KCNB2: variants seen among roughly 807,000 people sequenced by gnomAD.
KCNB2 encodes the protein potassium voltage-gated channel subfamily B member 2, also known as delayed rectifier potassium channel protein.
KCNB2 carries 15 observed loss-of-function variants against 61.5 expected under a neutral mutation model. The observed-to-expected ratio is 0.24, with a 90% CI of 0.16 to 0.38. The LOEUF (loss-of-function observed/expected upper bound fraction) is 0.38, where lower values mean the gene tolerates loss of function less well. KCNB2 is among the 10% of genes least tolerant of loss of function. KCNB2 has a pLI of 1.00. For synonymous variants in KCNB2, 457 were observed against 446.0 expected (o/e 1.02, Z -0.31); for missense variants, 828 against 1,125.2 (o/e 0.74, Z 3.78).
At chr8:72,733,451 G>T (rs1044400078) in intron 2 of KCNB2, among the ~76,000 whole-genome samples, 3 of 152,056 alleles carry the variant, frequency 2.0e-5, no homozygotes, top group African/African-American at 7.2e-5. Flanking sequence ...GAAAGCATGG[G>T]TTCTGCAATC....
chr8:72,705,580 G>A (rs1807208819), intron 2 of KCNB2, among the ~76,000 whole-genome samples: 1 of 152,310 alleles, frequency 6.6e-6, no homozygotes, highest in Middle Eastern at 3.4e-3. Context: ...TGGAAGTGAG[G>A]GAGGTGTTTT....
chr8:72,720,575 T>C (rs951024195), intron 2 of KCNB2, among the ~76,000 whole-genome samples: 1 of 152,222 alleles, frequency 6.6e-6, no homozygotes, highest in Non-Finnish European at 1.5e-5. Flanking sequence ...TGTTTACCTC[T>C]CTTGTCACCT....
rs139663127 is a variant in KCNB2, at chr8:72,837,457, C to T, written c.580-98478C>T. Among the ~76,000 whole-genome samples, 1,162 of 152,256 alleles carry T rather than the reference C, an allele frequency of 7.6e-3. 14 individuals are homozygous for T. Among genetic ancestry groups the T allele is most frequent in the African/African-American group, 0.026 (1,096 of 41,534 alleles). On this transcript the variant is annotated intron_variant, in intron 2 of 2. Transcript: ENST00000523207. ...AAAACGCTCTGATACTTTAAAAGTT[C>T]CTAAATCAGATAGACAGGCACCATC...
intron 2 of KCNB2, among the ~76,000 whole-genome samples, chr8:72,841,372 C>CTTTTTTTTTTTTTTTTTTTTT (rs769263287): frequency 5.8e-5 from 2 of 34,226 alleles, no homozygotes; most frequent in African/African-American, 1.5e-4. Flanking sequence ...TTTTTTTTTT[C>CTTTTTTTTTTTTTTTTTTTTT]TTTTTTTTTT....
At chr8:72,797,066 A>G (rs1809043073) in intron 2 of KCNB2, among the ~76,000 whole-genome samples, 2 of 152,174 alleles carry the variant, frequency 1.3e-5, no homozygotes, top group Non-Finnish European at 2.9e-5. Flanking sequence ...CAGGTCAATA[A>G]CGATGGTACG....
In KCNB2 at chr8:72,669,050, A is replaced by G. The variant is rs914517318; in HGVS notation, c.579+100737A>G. Among the ~76,000 whole-genome samples the G allele has an allele frequency of 2.6e-5, 4 of 152,032 alleles. No homozygotes were observed. In the South Asian group the frequency reaches 8.3e-4, roughly 32 times the overall value. On this transcript the variant is annotated intron_variant, in intron 2 of 2. Coordinates refer to ENST00000523207, the MANE Select transcript of KCNB2 (RefSeq NM_004770.3). ...GGATTTTCTGTCTGCTATATCTGTA[A>G]CCTCTTGGGTTAATTAGACTGACCT... is the stretch of plus-strand genomic sequence containing the variant.
intron 2 of KCNB2, among the ~76,000 whole-genome samples, chr8:72,584,667 C>A (rs1442215929): frequency 1.3e-5 from 2 of 152,158 alleles, no homozygotes; most frequent in African/African-American, 4.8e-5. Context: ...AGGAAAACCA[C>A]AGCAAATATC....
At chr8:72,618,125 C>T (rs1805650661) in intron 2 of KCNB2, among the ~76,000 whole-genome samples, 1 of 152,024 alleles carries the variant, frequency 6.6e-6, no homozygotes, top group Admixed American at 6.6e-5. Flanking sequence ...AAAATGCCTA[C>T]CGAGATGGCA....
At chr8:72,602,148 T>C (rs1040714678) in intron 2 of KCNB2, among the ~76,000 whole-genome samples, 2 of 152,218 alleles carry the variant, frequency 1.3e-5, no homozygotes, top group Non-Finnish European at 2.9e-5. Flanking sequence ...AGTTTGATTC[T>C]TGATACTAAT....
chr8:72,839,103 A>G (rs1809833414), intron 2 of KCNB2, among the ~76,000 whole-genome samples: 1 of 152,200 alleles, frequency 6.6e-6, no homozygotes, highest in Non-Finnish European at 1.5e-5. Context: ...TCCAAATACA[A>G]TTATTTTCCA....
chr8:72,761,538 G>A (rs1808381180), intron 2 of KCNB2, among the ~76,000 whole-genome samples: 1 of 152,140 alleles, frequency 6.6e-6, no homozygotes, highest in African/African-American at 2.4e-5. Context: ...GAACCTTCAG[G>A]GAGGAGAGAT....
At chr8:72,642,012 G>A (rs1326671262) in intron 2 of KCNB2, among the ~76,000 whole-genome samples, 2 of 152,114 alleles carry the variant, frequency 1.3e-5, no homozygotes, top group African/African-American at 4.8e-5. Flanking sequence ...ACTCTGCTAA[G>A]CTCAGCTCAG....
rs989832201 is a variant in KCNB2, at chr8:72,749,812, A to T, written c.579+181499A>T. Among the ~76,000 whole-genome samples, 13 of 146,914 alleles carry T rather than the reference A, an allele frequency of 8.8e-5. No homozygotes were observed. In the East Asian group the frequency reaches 9.8e-4, roughly 11 times the overall value. ...ATATAATATATATAATATATAATAT[A>T]ATTATATATGATATATACAATATAA... is the stretch of plus-strand genomic sequence containing the variant. On this transcript the variant is annotated intron_variant, in intron 2 of 2. Transcript: ENST00000523207.
chr8:72,852,729 A>G (rs1332250407), intron 2 of KCNB2, among the ~76,000 whole-genome samples: 1 of 133,800 alleles, frequency 7.5e-6, no homozygotes, highest in African/African-American at 2.7e-5. Context: ...TGAATGTGTA[A>G]CAGTGAGCAA....
chr8:72,566,773 G>A (rs1250908073), intron 1 of KCNB2, among the ~76,000 whole-genome samples: 1 of 151,926 alleles, frequency 6.6e-6, no homozygotes, highest in East Asian at 1.9e-4. Flanking sequence ...CTGAGAGTTC[G>A]AACCAGCATT....
At chr8:72,933,125 AG>A (rs1279101042) in intron 2 of KCNB2, among the ~76,000 whole-genome samples, 2 of 152,342 alleles carry the variant, frequency 1.3e-5, no homozygotes, top group East Asian at 3.9e-4. Flanking sequence ...TTTTTCCTTT[AG>A]TAACTATTTG....
intron 2 of KCNB2, among the ~76,000 whole-genome samples, chr8:72,630,352 A>G (rs1014815144): frequency 6.6e-6 from 1 of 152,232 alleles, no homozygotes; most frequent in African/African-American, 2.4e-5. Context: ...GTGACAGGTC[A>G]GGAAGTTCTT....
At chr8:72,747,364 A>C (rs1263250048) in intron 2 of KCNB2, among the ~76,000 whole-genome samples, 3 of 152,164 alleles carry the variant, frequency 2.0e-5, no homozygotes, top group African/African-American at 7.2e-5. Flanking sequence ...CCAGATCGTA[A>C]GAGCTTGAGC....
chr8:72,913,036 T>C (rs1324186540), intron 2 of KCNB2, among the ~76,000 whole-genome samples: 2 of 152,176 alleles, frequency 1.3e-5, no homozygotes, highest in African/African-American at 4.8e-5. Context: ...AGGGGGTTTA[T>C]CTTGAAAATG....
Sources: gnomAD v4.1 joint callset for allele counts (sites outside exome capture counted in the v4.1 genomes callset) on GRCh38, gnomAD v4.1.1 for gene constraint, MANE v1.5 for transcripts, NCBI Gene and HGNC (gene_info 2026-07-23, HGNC 2026-07-21) for gene names.